Variants in IMMP2L observed in about 807,000 individuals in gnomAD.
The protein encoded by IMMP2L is mitochondrial inner membrane protease subunit 2.
IMMP2L carries 18 observed loss-of-function variants against 19.3 expected under a neutral mutation model. That is an observed-to-expected ratio of 0.93 (90% CI 0.64 to 1.38). The LOEUF is 1.38. Among genes scored for constraint, IMMP2L ranks in the 40% most tolerant of loss-of-function variants. The pLI, the probability that IMMP2L is intolerant of heterozygous loss-of-function variation, is 0.00. For missense variants in IMMP2L, 233 were observed against 218.2 expected, an observed-to-expected ratio of 1.07 and a Z score of -0.43; for synonymous variants, 76 against 73.0, an observed-to-expected ratio of 1.04 and a Z score of -0.21.
At chr7:111,411,322 C>T (rs1381836164) in intron 3 of IMMP2L, 6 of 230,500 alleles carry the variant, frequency 2.6e-5, no homozygotes, top group Admixed American at 1.4e-4. Flanking sequence ...ATGTCATTAC[C>T]GATATACCCA....
At chr7:111,285,045 T>C (rs1820336984) in intron 3 of IMMP2L, among the ~76,000 whole-genome samples, 1 of 152,112 alleles carries the variant, frequency 6.6e-6, no homozygotes, top group Non-Finnish European at 1.5e-5. Context: ...AAGGAAGAGC[T>C]TCTCAGATGA....
Position 110,877,318 on chromosome 7 carries a change from C to T in IMMP2L, c.408+9275G>A, listed in dbSNP as rs1193281186. Reference sequence around the variant, plus strand: ...AAGGATGAGTTAGCTCCCATAGTTGCCTTGGCAAAGTTCACAGTCTTTTCA... The same window carrying T: ...AAGGATGAGTTAGCTCCCATAGTTGTCTTGGCAAAGTTCACAGTCTTTTCA... On this transcript the variant is annotated intron_variant, in intron 5 of 5. Transcript: ENST00000405709. The surrounding 1 kb of genome is among the most constrained non-coding windows in gnomAD (Gnocchi z 4.0). Among the ~76,000 whole-genome samples, 1 of 152,142 alleles carries T rather than the reference C, an allele frequency of 6.6e-6. No homozygotes were observed. Among genetic ancestry groups the T allele is most frequent in the African/African-American group, 2.4e-5 (1 of 41,446 alleles).
At chr7:111,125,075 A>G (rs1284194138) in intron 3 of IMMP2L, 1 of 515,286 alleles carries the variant, frequency 1.9e-6, no homozygotes, top group African/African-American at 2.0e-5. Context: ...AATATGTACA[A>G]CTTCAGCATT....
chr7:111,064,077 G>T (rs1794273482), intron 3 of IMMP2L, among the ~76,000 whole-genome samples: 2 of 152,104 alleles, frequency 1.3e-5, no homozygotes, highest in African/African-American at 2.4e-5. Context: ...ACATACCTGA[G>T]GCTGGGAAAT....
chr7:110,690,417 A>T (rs1204282707), intron 5 of IMMP2L, among the ~76,000 whole-genome samples: 2 of 152,120 alleles, frequency 1.3e-5, no homozygotes, highest in African/African-American at 4.8e-5. Context: ...CTTGCAATTA[A>T]TTTTTTTAAA....
chr7:110,894,861 G>A (rs567154482), intron 4 of IMMP2L, among the ~76,000 whole-genome samples: 84 of 152,186 alleles, frequency 5.5e-4, no homozygotes, highest in South Asian at 4.4e-3. Flanking sequence ...TATGCAGTCT[G>A]AGGTATGGTT....
chr7:110,892,280 G>C (rs988296126), intron 4 of IMMP2L, among the ~76,000 whole-genome samples: 11 of 152,112 alleles, frequency 7.2e-5, no homozygotes, highest in African/African-American at 2.2e-4. Flanking sequence ...TGAACAGACT[G>C]GTCACAAACC....
At chr7:110,807,014 T>G (rs1203861135) in intron 5 of IMMP2L, among the ~76,000 whole-genome samples, 1 of 152,026 alleles carries the variant, frequency 6.6e-6, no homozygotes. Flanking sequence ...CCATGGATGT[T>G]GGACCATAAT....
intron 3 of IMMP2L, among the ~76,000 whole-genome samples, chr7:111,027,536 T>C (rs1826972463): frequency 6.6e-6 from 1 of 151,906 alleles, no homozygotes; most frequent in African/African-American, 2.4e-5. Context: ...CAGACCATTT[T>C]CTGTCACTGG....
At chr7:111,513,489 C>T (rs1433432628) in intron 2 of IMMP2L, among the ~76,000 whole-genome samples, 3 of 152,014 alleles carry the variant, frequency 2.0e-5, no homozygotes, top group African/African-American at 7.2e-5. Context: ...GAAAAGAGAA[C>T]CCTTGTGCTC....
chr7:110,852,689 C>T (rs948362613), intron 5 of IMMP2L, among the ~76,000 whole-genome samples: 3 of 151,960 alleles, frequency 2.0e-5, no homozygotes, highest in African/African-American at 2.4e-5. Flanking sequence ...CTTATAAAAA[C>T]GTTATTGTAA....
intron 1 of IMMP2L, among the ~76,000 whole-genome samples, chr7:111,542,827 A>C (rs1848607858): frequency 1.3e-5 from 2 of 152,180 alleles, no homozygotes; most frequent in South Asian, 4.1e-4. Flanking sequence ...GGTTGTCTTT[A>C]AACTTCACAA....
chr7:111,129,211 A>C (rs1357366821), intron 3 of IMMP2L, among the ~76,000 whole-genome samples: 1 of 152,082 alleles, frequency 6.6e-6, no homozygotes, highest in Non-Finnish European at 1.5e-5. Context: ...ATGAGGAAAT[A>C]ATTCTAATTA....
rs114350322 is a variant in IMMP2L at position 111,030,633 on chromosome 7, G to A, written c.240-67068C>T. Among the ~76,000 whole-genome samples the A allele has an allele frequency of 4.2e-3, 638 of 152,084 alleles. 3 individuals carry two copies. The highest frequency in any genetic ancestry group is 0.015 in the African/African-American group (614 of 41,504). On this transcript the variant is annotated intron_variant, in intron 3 of 5. Transcript: ENST00000405709. ...AGAGGTTCCTTTGTAGTAGAGGTGA[G>A]CTATGAAGTTCTCAACTATGAAAGG...
intron 2 of IMMP2L, among the ~76,000 whole-genome samples, chr7:111,508,521 G>A (rs370410452): frequency 3.3e-5 from 5 of 152,114 alleles, no homozygotes; most frequent in South Asian, 2.1e-4. Flanking sequence ...TTTAACAGGC[G>A]AAAAAGGAAA....
At position 111,432,383 on chromosome 7, in the gene IMMP2L, T is replaced by C. The variant is rs902730678; in HGVS notation, c.239+54855A>G. ...TGGAACACCATGATCAGGTGGGATT[T>C]ATCCTAGGGAAGCAAGGATGGTTCA... On this transcript the variant is annotated intron_variant, in intron 3 of 5. Coordinates refer to ENST00000405709, the MANE Select transcript of IMMP2L (RefSeq NM_032549.4). Among the ~76,000 whole-genome samples, 63 of 151,822 alleles carry C rather than the reference T, an allele frequency of 4.1e-4. 4 individuals are homozygous for C. The highest frequency in any genetic ancestry group is 1.3e-4 in the Admixed American group (2 of 15,260).
At chr7:111,090,493 T>C (rs144407477) in intron 3 of IMMP2L, among the ~76,000 whole-genome samples, 8 of 151,898 alleles carry the variant, frequency 5.3e-5, no homozygotes, top group African/African-American at 9.7e-5. Flanking sequence ...TGAGTATAAT[T>C]AGAAATACAT....
At chr7:111,492,135 T>C (rs1306690515) in intron 2 of IMMP2L, among the ~76,000 whole-genome samples, 4 of 152,084 alleles carry the variant, frequency 2.6e-5, no homozygotes, top group Non-Finnish European at 5.9e-5. Context: ...TTTTTTTTTC[T>C]AAGTTTTGAG....
intron 5 of IMMP2L, among the ~76,000 whole-genome samples, chr7:110,775,249 C>CTGTGTGTG (rs56387151): frequency 0.22 from 32,218 of 146,466 alleles, 3,910 homozygotes; most frequent in Middle Eastern, 0.35. Context: ...CTTAAGTCAG[C>CTGTGTGTG]TGTGTGTGTG....
Sources: allele counts gnomAD v4.1 joint callset (sites outside exome capture counted in the v4.1 genomes callset), GRCh38; gene constraint gnomAD v4.1.1; non-coding constraint Gnocchi (gnomAD v3.1); transcripts MANE v1.5; gene names NCBI Gene and HGNC (gene_info 2026-07-23, HGNC 2026-07-21).